The following OR4F5 variants were observed in gnomAD, a reference collection of about 807,000 sequenced individuals.
OR4F5 encodes the protein olfactory receptor 4F5.
OR4F5 carries 1 observed loss-of-function variant against 5.8 expected under a neutral mutation model. That is an observed-to-expected ratio of 0.17 (90% CI 0.06 to 0.82). The LOEUF is 0.82. OR4F5 is among the 40% of genes least tolerant of loss of function. The pLI, the probability that OR4F5 is intolerant of heterozygous loss-of-function variation, is 0.72. For missense variants in OR4F5, 47 were observed against 175.5 expected (o/e 0.27, Z 4.14); for synonymous variants, 18 against 63.7 (o/e 0.28, Z 3.42).
At position 66,258 on chromosome 1, in the gene OR4F5, A is replaced by ATT. The variant is rs1421887741; in HGVS notation, c.9+685_9+686insTT. On this transcript the variant is annotated intron_variant, in intron 2 of 2. Transcript: ENST00000641515. ...ATATATATTATATTATATAATATAT[A>ATT]ATATAAATATAATATAAATTATATT... Among the ~76,000 whole-genome samples, 3 of 23,770 alleles carry ATT rather than the reference A, an allele frequency of 1.3e-4. 1 individual carries two copies. Among genetic ancestry groups the ATT allele is most frequent in the Non-Finnish European group, 2.4e-4 (3 of 12,388 alleles). The allele number at this position is 23,770 out of a possible 152,430, so 15.6% of individuals were successfully genotyped here.
At chr1:66,474 T>A (rs1269857228) in intron 2 of OR4F5, among the ~76,000 whole-genome samples, 5 of 80,972 alleles carry the variant, frequency 6.2e-5, no homozygotes, top group Non-Finnish European at 1.0e-4. Flanking sequence ...ATAATATATA[T>A]TATATATTTA....
At chr1:66,578 T>C (rs1639950949) in intron 2 of OR4F5, among the ~76,000 whole-genome samples, 1 of 58,876 alleles carries the variant, frequency 1.7e-5, no homozygotes, top group South Asian at 4.0e-4. Context: ...ATATGTATAA[T>C]ATATATTATA....
rs1245097999 is a variant in OR4F5 at position 70,467 on chromosome 1, G to A, written c.*459G>A. The stretch of plus-strand genomic sequence containing the variant: ...GATATATGTCAACTTTTAAGAGGTT[G>A]AAAAACAAACGCCTCCCATTATAAG... On this transcript the variant is annotated 3_prime_UTR_variant, in exon 3 of 3. Transcript: ENST00000641515. 21 of 98,912 alleles carry A rather than the reference G, an allele frequency of 2.1e-4. No individual in the cohort carries two copies. Among genetic ancestry groups the A allele is most frequent in the African/African-American group, 6.1e-4 (20 of 33,048 alleles). 6.1% of individuals were successfully genotyped at this position (98,912 alleles called of 1,614,324 possible). A position where few individuals can be genotyped will look rare whatever the true frequency, so the allele number is the denominator to read the frequency against.
In OR4F5 at chr1:65,972, G is replaced by C. The variant is rs1343017307; in HGVS notation, c.9+399G>C. Among the ~76,000 whole-genome samples the C allele has an allele frequency of 2.6e-5, 3 of 114,558 alleles. No individual in the cohort carries two copies. In the East Asian group the frequency reaches 6.0e-4, roughly 23 times the overall value. 75.2% of individuals were successfully genotyped at this position (114,558 alleles called of 152,430 possible). ...TTTGGAGCATTTCTTTCACATAAAG[G>C]TACAAATCATACTGCTAGAGTTGTG... On this transcript the variant is annotated intron_variant, in intron 2 of 2. Transcript: ENST00000641515.
rs1018643038 is a variant in OR4F5 at position 70,667 on chromosome 1, T to C, written c.*659T>C. 12 of 118,670 alleles carry C rather than the reference T, an allele frequency of 1.0e-4. 1 individual carries two copies. Among genetic ancestry groups the C allele is most frequent in the African/African-American group, 3.0e-4 (11 of 36,366 alleles). The allele number at this position is 118,670 out of a possible 1,614,324, so 7.4% of individuals were successfully genotyped here. A position where few individuals can be genotyped will look rare whatever the true frequency, so the allele number is the denominator to read the frequency against. On this transcript the variant is annotated 3_prime_UTR_variant, in exon 3 of 3. Transcript: ENST00000641515. ...TAGAGGGATCCAGGCTCTCATCACG[T>C]TGGCACAAAGTATATTACTTGGATC...
rs1489109399 is a variant in OR4F5, at chr1:69,653, T to C, written c.626T>C (p.Leu209Pro). Reference sequence around the variant, plus strand: ...CTTGCCTGTACAGATACCTACAGGCTAGATATTATGGTCATTGCTAACAGT... The same window carrying C: ...CTTGCCTGTACAGATACCTACAGGCCAGATATTATGGTCATTGCTAACAGT... ...IKLACTDTYR[L>P]DIMVIANSGV... Residue 209 changes from leucine (L) to proline (P), a missense_variant, in exon 3 of 3, where the codon CTA becomes CCA. Around this residue, in one of 3 missense-constraint regions of OR4F5, gnomAD observed 7 missense variants for 66.3 expected, o/e 0.11. Transcript: ENST00000641515. 1.1e-6 allele frequency: 1 copy of C among 878,236 alleles called. No homozygotes were observed. The highest frequency in any genetic ancestry group is 1.7e-6 in the Non-Finnish European group (1 of 594,174). 54.4% of individuals were successfully genotyped at this position (878,236 alleles called of 1,614,324 possible).
chr1:66,381 TATATA>T (rs545426917), intron 2 of OR4F5, among the ~76,000 whole-genome samples: 806 of 65,104 alleles, frequency 0.012, 23 homozygotes, highest in African/African-American at 0.04. Flanking sequence ...ATATATAAAT[TATATA>T]ATATAATATA....
chr1:66,340 T>TATATA, intron 2 of OR4F5, among the ~76,000 whole-genome samples: 1 of 40,452 alleles, frequency 2.5e-5, no homozygotes, highest in East Asian at 3.2e-4. Flanking sequence ...TATATTTTAT[T>TATATA]ATATAATATA....
At chr1:66,364 AAATATAATATATAAATTATAT>A (rs1201967429) in intron 2 of OR4F5, among the ~76,000 whole-genome samples, 419 of 11,790 alleles carry the variant, frequency 0.036, 32 homozygotes, top group South Asian at 0.12. Flanking sequence ...TATATTATAT[AAATATAATATATAAATTATAT>A]AATATAATAT....
chr1:66,173 T>C (rs1210928719), intron 2 of OR4F5, among the ~76,000 whole-genome samples: 1 of 95,244 alleles, frequency 1.0e-5, no homozygotes, highest in African/African-American at 3.3e-5. Flanking sequence ...TATATATATA[T>C]ATTATATATA....
At chr1:66,572 GTA>G (rs1445550932) in intron 2 of OR4F5, among the ~76,000 whole-genome samples, 727 of 51,618 alleles carry the variant, frequency 0.014, 4 homozygotes, top group Middle Eastern at 0.054. Flanking sequence ...TATAAAATAT[GTA>G]TAATATATAT....
At position 69,578 on chromosome 1, in the gene OR4F5, G is replaced by A; in HGVS notation, c.551G>A (p.Gly184Asp). 3 of 1,046,020 alleles carry A rather than the reference G, an allele frequency of 2.9e-6. 1 individual carries two copies. Among genetic ancestry groups the A allele is most frequent in the Non-Finnish European group, 2.7e-6 (2 of 745,292 alleles). 64.8% of individuals were successfully genotyped at this position (1,046,020 alleles called of 1,614,324 possible). The change falls in exon 3 of 3, where the codon GGT becomes GAT. Residue 184 changes from glycine to aspartate, a missense_variant. Gly to Asp is a moderately conservative substitution (Grantham distance 94). Coordinates refer to ENST00000641515, the MANE Select transcript of OR4F5 (RefSeq NM_001005484.2). Reference protein sequence around the residue: ...LAFAVHLLFCGPNEVDSFYCD... With the variant: ...LAFAVHLLFCDPNEVDSFYCD... ...TTTGCCGTGCACTTACTCTTCTGTGGTCCCAATGAGGTCGATAGTTTTTAT... is the reference window on the plus strand; with the variant it reads ...TTTGCCGTGCACTTACTCTTCTGTGATCCCAATGAGGTCGATAGTTTTTAT...
chr1:66,604 A>G (rs1295952180), intron 2 of OR4F5, among the ~76,000 whole-genome samples: 1 of 92,430 alleles, frequency 1.1e-5, no homozygotes. Context: ...ATATTTATAT[A>G]TTATATAAAT....
At chr1:66,587 TATAA>T (rs1639951146) in intron 2 of OR4F5, among the ~76,000 whole-genome samples, 1 of 87,842 alleles carries the variant, frequency 1.1e-5, no homozygotes, top group African/African-American at 3.4e-5. Flanking sequence ...ATATATATTA[TATAA>T]ATATATTTAT....
intron 2 of OR4F5, among the ~76,000 whole-genome samples, chr1:66,263 A>AT (rs1230830548): frequency 1.0e-3 from 16 of 15,978 alleles, no homozygotes; most frequent in African/African-American, 3.3e-3. Context: ...TATATAATAT[A>AT]AATATAATAT....
rs1461835982 is a variant in OR4F5, at chr1:70,711, T to C, written c.*703T>C. ...TTGGATCCATCTATGTCATTTTCCA[T>C]GGTTAATGTTTAAAAGCACAGGCTT... On this transcript the variant is annotated 3_prime_UTR_variant, in exon 3 of 3. Coordinates refer to ENST00000641515, the MANE Select transcript of OR4F5 (RefSeq NM_001005484.2). 1 of 118,862 alleles carries C rather than the reference T, an allele frequency of 8.4e-6. No individual in the cohort carries two copies. Among genetic ancestry groups the C allele is most frequent in the Non-Finnish European group, 2.0e-5 (1 of 51,006 alleles). The allele number at this position is 118,862 out of a possible 1,614,324, so 7.4% of individuals were successfully genotyped here.
intron 2 of OR4F5, among the ~76,000 whole-genome samples, chr1:66,488 AATATAATATATATTTTATT>A (rs1268339504): frequency 2.5e-5 from 2 of 78,762 alleles, no homozygotes; most frequent in East Asian, 5.9e-4. Flanking sequence ...ATATTTATAG[AATATAATATATATTTTATT>A]ATATAATATA....
intron 2 of OR4F5, among the ~76,000 whole-genome samples, chr1:66,373 A>T (rs1453811433): frequency 8.5e-5 from 1 of 11,834 alleles, no homozygotes; most frequent in Non-Finnish European, 3.1e-4. Context: ...TAAATATAAT[A>T]TATAAATTAT....
rs752034042 is a variant in OR4F5, at chr1:69,474, T to G, written c.447T>G (p.Ile149Met). ...GCAAGCCCCTACACTACACTACAATTATGTGTGGCAACGCATGTGTCGGCA... is the reference window on the plus strand; with the variant it reads ...GCAAGCCCCTACACTACACTACAATGATGTGTGGCAACGCATGTGTCGGCA... ...AICKPLHYTT[I>M]MCGNACVGIM... The change falls in exon 3 of 3, where the codon ATT becomes ATG. Residue 149 changes from isoleucine to methionine, a missense_variant. Ile to Met is a conservative substitution (Grantham distance 10). Transcript: ENST00000641515. The G allele has an allele frequency of 2.9e-6, 3 of 1,028,162 alleles. No homozygotes were observed. In the African/African-American group the frequency reaches 5.7e-5, roughly 19 times the overall value. The allele number at this position is 1,028,162 out of a possible 1,614,324, so 63.7% of individuals were successfully genotyped here. A position where few individuals can be genotyped will look rare whatever the true frequency, so the allele number is the denominator to read the frequency against.
Sources: gnomAD v4.1 joint callset for allele counts (sites outside exome capture counted in the v4.1 genomes callset) on GRCh38, gnomAD v4.1.1 for gene constraint, gnomAD v4.1.1 regional missense constraint, MANE v1.5 for transcripts, NCBI Gene and HGNC (gene_info 2026-07-23, HGNC 2026-07-21) for gene names.